The following ATP8A2 variants were observed in gnomAD, a reference collection of about 807,000 sequenced individuals.
The protein encoded by ATP8A2 is ATPase phospholipid transporting 8A2, also known as phospholipid-transporting ATPase IB.
In ATP8A2, 100 loss-of-function variants were observed where a neutral mutation model predicts 165.6. The ratio of observed to expected loss-of-function variants is 0.60; its 90% CI spans 0.51 to 0.71. The LOEUF (loss-of-function observed/expected upper bound fraction) is 0.71. ATP8A2 is among the 30% of genes least tolerant of loss of function. The pLI, the probability that ATP8A2 is intolerant of heterozygous loss-of-function variation, is 0.00. For synonymous variants in ATP8A2, 543 were observed against 548.8 expected (o/e 0.99, Z 0.15); for missense variants, 1,227 against 1,479.5 (o/e 0.83, Z 2.80).
intron 35 of ATP8A2, among the ~76,000 whole-genome samples, chr13:26,000,364 A>C (rs1956608804): frequency 6.6e-6 from 1 of 152,220 alleles, no homozygotes; most frequent in Non-Finnish European, 1.5e-5. Context: ...TGTGTACTCC[A>C]CACTCCCGCT....
intron 2 of ATP8A2, among the ~76,000 whole-genome samples, chr13:25,510,286 A>G (rs552070426): frequency 6.6e-6 from 1 of 152,216 alleles, no homozygotes; most frequent in African/African-American, 2.4e-5. Flanking sequence ...AATAGAGAAA[A>G]TCTTGTTAGA....
intron 23 of ATP8A2, among the ~76,000 whole-genome samples, chr13:25,586,271 C>T (rs1023273032): frequency 1.3e-5 from 2 of 152,134 alleles, no homozygotes; most frequent in African/African-American, 4.8e-5. Flanking sequence ...GGGAAGTCTT[C>T]CTGGATGAGA....
At position 26,024,558 on chromosome 13, in the gene ATP8A2, C is replaced by T. The variant is rs1433196423; in HGVS notation, c.*4573C>T. ...TGGGAGCAGAAAAGAAGGGCGAGCT[C>T]CCCCGCGCCGCACCCCGTGTATAAT... On this transcript the variant is annotated 3_prime_UTR_variant, in exon 37 of 37. Coordinates refer to ENST00000381655, the MANE Select transcript of ATP8A2 (RefSeq NM_016529.6). 2.0e-5 allele frequency: 3 copies of T among 152,260 alleles called. No homozygotes were observed. The highest frequency in any genetic ancestry group is 1.9e-4 in the East Asian group (1 of 5,188). 9.4% of individuals were successfully genotyped at this position (152,260 alleles called of 1,614,324 possible).
chr13:25,835,443 G>A (rs1044510636), intron 28 of ATP8A2, among the ~76,000 whole-genome samples: 1 of 152,066 alleles, frequency 6.6e-6, no homozygotes, highest in African/African-American at 2.4e-5. Context: ...AATAGACTTG[G>A]GAACAGCTTC....
At chr13:25,775,076 T>G in intron 27 of ATP8A2, 117 bp downstream of exon 27, 1 of 625,242 alleles carries the variant, frequency 1.6e-6, no homozygotes, top group South Asian at 2.1e-5. Context: ...GATGCTGCTG[T>G]GACTTTCTAC....
intron 33 of ATP8A2, among the ~76,000 whole-genome samples, chr13:25,906,504 G>T (rs570039983): frequency 1.0e-3 from 154 of 152,072 alleles, no homozygotes; most frequent in Non-Finnish European, 1.7e-3. Flanking sequence ...AGCAGCGGTG[G>T]GGTCTCCTGT....
chr13:25,524,062 A>T (rs1014947648), intron 2 of ATP8A2, among the ~76,000 whole-genome samples: 1 of 152,022 alleles, frequency 6.6e-6, no homozygotes, highest in Non-Finnish European at 1.5e-5. Flanking sequence ...TTATATTTCC[A>T]TATCCATTTG....
rs115663042 is a variant in ATP8A2 at position 25,569,589 on chromosome 13, C to A, written c.1474-1178C>A. On this transcript the variant is annotated intron_variant, in intron 16 of 36. Transcript: ENST00000381655. ...TATCACCCCTGCCTTGAATGTAATT[C>A]TGAAAGTGCTAGCTCCTGCAGACAG... is the stretch of plus-strand genomic sequence containing the variant. Among the ~76,000 whole-genome samples, 1,350 of 152,244 alleles carry A rather than the reference C, an allele frequency of 8.9e-3. 23 individuals are homozygous for A. Among genetic ancestry groups the A allele is most frequent in the African/African-American group, 0.031 (1,300 of 41,548 alleles).
chr13:25,530,064 C>T lies in ATP8A2; in HGVS notation c.287C>T (p.Ala96Val), dbSNP rs536297956. ...TTGTATGAGCAGATTAGAAGAGCTGCTAATGCCTTCTTTCTCTTCATTGCC... is the reference window on the plus strand; with the variant it reads ...TTGTATGAGCAGATTAGAAGAGCTGTTAATGCCTTCTTTCTCTTCATTGCC... ...RFLYEQIRRA[A>V]NAFFLFIALL... Residue 96 changes from alanine to valine, a missense_variant, in exon 3 of 37, where the codon GCT (alanine) becomes GTT (valine). Around this residue, in one of 5 missense-constraint regions of ATP8A2, gnomAD observed 356 missense variants for 394.9 expected, o/e 0.90. Transcript: ENST00000381655. 6.2e-7 allele frequency: 1 copy of T among 1,611,124 alleles called. No homozygotes were observed. The highest frequency in any genetic ancestry group is 1.1e-5 in the South Asian group (1 of 90,960).
chr13:25,768,976 G>A (rs922838032), intron 25 of ATP8A2, 70 bp from the exon 26 acceptor site: 40 of 1,404,882 alleles, frequency 2.8e-5, no homozygotes, highest in Non-Finnish European at 1.8e-5. Context: ...TTAATGCAGC[G>A]GAATGTAGAT....
chr13:25,575,962 G>A (rs997957945), intron 19 of ATP8A2, among the ~76,000 whole-genome samples: 2 of 152,134 alleles, frequency 1.3e-5, no homozygotes, highest in Non-Finnish European at 2.9e-5. Flanking sequence ...TGTATATATG[G>A]GAGAATAAGA....
At chr13:26,008,101 GC>G (rs1302233537) in intron 35 of ATP8A2, among the ~76,000 whole-genome samples, 6 of 152,038 alleles carry the variant, frequency 3.9e-5, no homozygotes, top group Non-Finnish European at 5.9e-5. Flanking sequence ...AACCCACAGG[GC>G]CCTAGCAGAG....
intron 27 of ATP8A2, among the ~76,000 whole-genome samples, chr13:25,827,231 C>T (rs1037325796): frequency 6.6e-6 from 1 of 151,988 alleles, no homozygotes; most frequent in Non-Finnish European, 1.5e-5. Context: ...TGCCTCAGAC[C>T]CCCCCGAGTA....
At chr13:25,591,385 G>A (rs758278193) in intron 24 of ATP8A2, 21 of 456,330 alleles carry the variant, frequency 4.6e-5, no homozygotes, top group South Asian at 2.6e-4. Flanking sequence ...TAAGTACCTC[G>A]TGTAAGTTCA....
chr13:25,557,995 C>T (rs1298949964), intron 13 of ATP8A2, among the ~76,000 whole-genome samples: 1 of 152,066 alleles, frequency 6.6e-6, no homozygotes, highest in Non-Finnish European at 1.5e-5. Context: ...CCTCTGCCTC[C>T]TGGGTTCAAG....
At chr13:25,431,710 TA>T (rs879768287) in intron 1 of ATP8A2, among the ~76,000 whole-genome samples, 2 of 152,240 alleles carry the variant, frequency 1.3e-5, no homozygotes, top group Admixed American at 6.5e-5. Context: ...ACCTCTTGAT[TA>T]AAATATAAGC....
intron 2 of ATP8A2, among the ~76,000 whole-genome samples, chr13:25,495,482 CAG>C (rs2036647323): frequency 1.3e-5 from 2 of 152,056 alleles, no homozygotes; most frequent in Admixed American, 6.6e-5. Context: ...TTTTAAGAGA[CAG>C]AGTCTTGCTC....
At chr13:25,459,417 A>G (rs369463072) in intron 1 of ATP8A2, among the ~76,000 whole-genome samples, 1 of 152,338 alleles carries the variant, frequency 6.6e-6, no homozygotes, top group East Asian at 1.9e-4. Context: ...CTCGTCAAAC[A>G]TGTTTACTGA....
At chr13:25,480,524 CG>C (rs1566169003) in intron 2 of ATP8A2, among the ~76,000 whole-genome samples, 1 of 147,546 alleles carries the variant, frequency 6.8e-6, no homozygotes, top group African/African-American at 2.5e-5. Context: ...GACGGGGCGG[CG>C]GGGCAAAGGC....
Sources: gnomAD v4.1 joint callset for allele counts (sites outside exome capture counted in the v4.1 genomes callset) on GRCh38, gnomAD v4.1.1 for gene constraint, gnomAD v4.1.1 regional missense constraint, MANE v1.5 for transcripts, NCBI Gene and HGNC (gene_info 2026-07-23, HGNC 2026-07-21) for gene names.